The following ALG14 variants were observed in gnomAD, a reference collection of about 807,000 sequenced individuals.
ALG14 encodes ALG14 UDP-N-acetylglucosaminyltransferase subunit.
A neutral mutation model predicts 22.8 loss-of-function variants in ALG14; 17 were observed. The observed-to-expected ratio is 0.75, with a 90% CI of 0.51 to 1.12. The LOEUF is 1.12. ALG14 is among the 50% of genes most tolerant of loss of function. The probability of loss-of-function intolerance (pLI) is 0.00; values close to 1 mark genes in which losing one functional copy is unlikely to be tolerated. For synonymous variants in ALG14, 89 were observed against 103.7 expected, an observed-to-expected ratio of 0.86 and a Z score of 0.86; for missense variants, 288 against 271.8, an observed-to-expected ratio of 1.06 and a Z score of -0.42.
intron 3 of ALG14, among the ~76,000 whole-genome samples, chr1:95,018,738 G>A (rs918178126): frequency 2.6e-5 from 4 of 151,944 alleles, no homozygotes; most frequent in Non-Finnish European, 4.4e-5. Context: ...TTTAATAGAA[G>A]TGACCAGTGG....
chr1:95,062,351 G>A (rs1675192980), intron 2 of ALG14, among the ~76,000 whole-genome samples: 1 of 152,060 alleles, frequency 6.6e-6, no homozygotes, highest in South Asian at 2.1e-4. Context: ...TATTACACAG[G>A]TAAACGTGTG....
At chr1:95,042,229 ACT>A (rs1204130581) in intron 2 of ALG14, among the ~76,000 whole-genome samples, 2 of 151,480 alleles carry the variant, frequency 1.3e-5, no homozygotes, top group Non-Finnish European at 2.9e-5. Flanking sequence ...CCACCCCAAC[ACT>A]CTATCTCACA....
intron 1 of ALG14, chr1:95,067,176 G>A (rs907554858): frequency 2.6e-5 from 4 of 152,156 alleles, no homozygotes; most frequent in African/African-American, 9.7e-5. Flanking sequence ...TGTTACAAAA[G>A]ACTATACCAA....
chr1:95,031,602 G>A (rs762141838), intron 2 of ALG14, among the ~76,000 whole-genome samples: 2 of 152,002 alleles, frequency 1.3e-5, no homozygotes, highest in Admixed American at 1.3e-4. Context: ...TAGCATATCC[G>A]TTCTCCTCAG....
At chr1:95,007,848 T>G (rs1673260151) in intron 3 of ALG14, among the ~76,000 whole-genome samples, 1 of 152,220 alleles carries the variant, frequency 6.6e-6, no homozygotes, top group Non-Finnish European at 1.5e-5. Flanking sequence ...CACTTTATGT[T>G]ATATCTGCCA....
intron 2 of ALG14, among the ~76,000 whole-genome samples, chr1:95,057,480 G>A (rs77403450): frequency 0.046 from 6,973 of 151,600 alleles, 216 homozygotes; most frequent in South Asian, 0.083. Flanking sequence ...AAAGTATATG[G>A]GAGGATGAGC....
chr1:95,068,093 G>A (rs1421263024), intron 1 of ALG14, among the ~76,000 whole-genome samples: 1 of 152,068 alleles, frequency 6.6e-6, no homozygotes, highest in African/African-American at 2.4e-5. Flanking sequence ...CTCTATCCAT[G>A]CCTCACTAGA....
intron 2 of ALG14, among the ~76,000 whole-genome samples, chr1:95,054,348 CT>C (rs1674859357): frequency 6.6e-6 from 1 of 152,092 alleles, no homozygotes; most frequent in African/African-American, 2.4e-5. Flanking sequence ...GTATGTAGCA[CT>C]TCCCTCCACC....
At chr1:95,067,849 G>C (rs1442289630) in intron 1 of ALG14, among the ~76,000 whole-genome samples, 4 of 152,102 alleles carry the variant, frequency 2.6e-5, no homozygotes, top group Non-Finnish European at 5.9e-5. Flanking sequence ...TGAAATAAAA[G>C]GCTTCTTATA....
At chr1:95,029,113 T>G (rs1030061723) in intron 2 of ALG14, among the ~76,000 whole-genome samples, 1 of 152,192 alleles carries the variant, frequency 6.6e-6, no homozygotes, top group East Asian at 1.9e-4. Flanking sequence ...TGGCTTGCAG[T>G]GACTCATGAA....
In ALG14 at chr1:94,975,466, G is replaced by A. The variant is rs974345546; in HGVS notation, c.*7610C>T. 3.3e-5 allele frequency: 5 copies of A among 152,164 alleles called. No individual in the cohort carries two copies. Among genetic ancestry groups the A allele is most frequent in the Non-Finnish European group, 5.9e-5 (4 of 68,036 alleles). The allele number at this position is 152,164 out of a possible 1,614,324, so 9.4% of individuals were successfully genotyped here. On this transcript the variant is annotated 3_prime_UTR_variant, in exon 4 of 4. Transcript: ENST00000370205. Reference sequence around the variant, plus strand: ...CGCTGCTGCGAACATATAAGTTTTTGTGTAAATACATGTTTTTAATTCTCC... The same window carrying A: ...CGCTGCTGCGAACATATAAGTTTTTATGTAAATACATGTTTTTAATTCTCC...
At chr1:95,018,589 AG>A (rs1199308928) in intron 3 of ALG14, among the ~76,000 whole-genome samples, 1 of 152,082 alleles carries the variant, frequency 6.6e-6, no homozygotes, top group Non-Finnish European at 1.5e-5. Flanking sequence ...GAAGGAAGGA[AG>A]GAAGGGTAAA....
chr1:95,011,015 G>A (rs1213393951), intron 3 of ALG14, among the ~76,000 whole-genome samples: 1 of 152,150 alleles, frequency 6.6e-6, no homozygotes, highest in African/African-American at 2.4e-5. Context: ...AGAATACTGT[G>A]TGTTGACCTG....
chr1:95,067,207 G>C (rs1571684795), intron 1 of ALG14: 1 of 152,088 alleles, frequency 6.6e-6, no homozygotes, highest in Non-Finnish European at 1.5e-5. Context: ...TTGTACAAAG[G>C]CCACTGCAAC....
rs75417475 is a variant in ALG14 at position 95,034,890 on chromosome 1, C to T, written c.289-7630G>A. Among the ~76,000 whole-genome samples the T allele has an allele frequency of 9.9e-3, 1,508 of 152,314 alleles. 21 individuals are homozygous for T. The highest frequency in any genetic ancestry group is 0.031 in the African/African-American group (1,292 of 41,566). ...TTTCCCTGCCTCTACAGGAACTAAG[C>T]TCCCTGCCTCCTCCTCTCTCTTTGC... On this transcript the variant is annotated intron_variant, in intron 2 of 3. Coordinates refer to ENST00000370205, the MANE Select transcript of ALG14 (RefSeq NM_144988.4).
At chr1:95,041,818 G>A (rs1275790681) in intron 2 of ALG14, among the ~76,000 whole-genome samples, 1 of 152,102 alleles carries the variant, frequency 6.6e-6, no homozygotes, top group East Asian at 1.9e-4. Flanking sequence ...GTTAATTTTA[G>A]AAGAGCTGGT....
chr1:95,021,604 C>T (rs1673664102), intron 3 of ALG14, among the ~76,000 whole-genome samples: 1 of 152,176 alleles, frequency 6.6e-6, no homozygotes, highest in Admixed American at 6.6e-5. Flanking sequence ...GCTCCTGCTT[C>T]ACATGATCCT....
chr1:95,057,375 T>C (rs532524076), intron 2 of ALG14, among the ~76,000 whole-genome samples: 2 of 151,816 alleles, frequency 1.3e-5, no homozygotes, highest in Non-Finnish European at 2.9e-5. Context: ...CAGGCCTTTT[T>C]CCCCTTGTCA....
At chr1:94,987,632 T>A (rs1179631256) in intron 3 of ALG14, among the ~76,000 whole-genome samples, 1 of 152,144 alleles carries the variant, frequency 6.6e-6, no homozygotes, top group Non-Finnish European at 1.5e-5. Flanking sequence ...AAACATAACA[T>A]TCTGCATGTA....
Sources: allele counts gnomAD v4.1 joint callset (sites outside exome capture counted in the v4.1 genomes callset), GRCh38; gene constraint gnomAD v4.1.1; transcripts MANE v1.5; gene names NCBI Gene and HGNC (gene_info 2026-07-23, HGNC 2026-07-21).